The following IFT122 variants were observed in gnomAD, a reference collection of about 807,000 sequenced individuals.
The protein encoded by IFT122 is intraflagellar transport protein 122 homolog.
A neutral mutation model predicts 161.6 loss-of-function variants in IFT122; 118 were observed. That is an observed-to-expected ratio of 0.73 (90% confidence interval 0.63 to 0.85). IFT122 has a LOEUF of 0.85. IFT122 is among the 40% of genes least tolerant of loss of function. IFT122 has a pLI of 0.00. For synonymous variants in IFT122, 550 were observed against 602.4 expected (o/e 0.91, Z 1.27); for missense variants, 1,381 against 1,579.6 (o/e 0.87, Z 2.13).
chr3:129,462,063 C>T (rs189483085), intron 5 of IFT122, among the ~76,000 whole-genome samples: 49 of 152,294 alleles, frequency 3.2e-4, no homozygotes, highest in Non-Finnish European at 1.0e-4. Context: ...CTAAAAGGAG[C>T]ATGCTACTCA....
At position 129,467,945 on chromosome 3, in the gene IFT122, C is replaced by T. The variant is rs541701677; in HGVS notation, c.740+879C>T. On this transcript the variant is annotated intron_variant, in intron 8 of 29. Coordinates refer to ENST00000348417, the MANE Select transcript of IFT122 (RefSeq NM_052989.3). ...TTTGTTTCATAAAGAATCCTACTGC[C>T]CCAGGAGGTAAAAGGGGGTTGAAAA... is the stretch of plus-strand genomic sequence containing the variant. Among the ~76,000 whole-genome samples the T allele has an allele frequency of 1.3e-5, 2 of 152,226 alleles. 1 individual carries two copies. The highest frequency in any genetic ancestry group is 4.2e-4 in the South Asian group (2 of 4,818).
intron 9 of IFT122, among the ~76,000 whole-genome samples, chr3:129,474,824 A>G (rs1419338091): frequency 6.6e-6 from 1 of 152,182 alleles, no homozygotes; most frequent in Non-Finnish European, 1.5e-5. Flanking sequence ...CAACTCATAT[A>G]TCTGATAAAG....
intron 2 of IFT122, among the ~76,000 whole-genome samples, chr3:129,451,170 A>G (rs2074794749): frequency 6.6e-6 from 1 of 151,688 alleles, no homozygotes; most frequent in South Asian, 2.1e-4. Flanking sequence ...GCAGTCATAG[A>G]TCACTGCAGC....
At chr3:129,458,578 C>G in intron 3 of IFT122, 21 bp from the exon 4 acceptor site, 6 of 1,595,342 alleles carry the variant, frequency 3.8e-6, no homozygotes, top group Non-Finnish European at 5.2e-6. Flanking sequence ...GTAAGACTTT[C>G]CATTTTACAA....
At chr3:129,503,242 C>T (rs2081806932) in intron 20 of IFT122, among the ~76,000 whole-genome samples, 1 of 152,178 alleles carries the variant, frequency 6.6e-6, no homozygotes, top group Admixed American at 6.5e-5. Flanking sequence ...TGTGGAGATG[C>T]ACCTGCGTGA....
At chr3:129,452,123 A>G in intron 3 of IFT122, 125 bp downstream of exon 3, 1 of 746,206 alleles carries the variant, frequency 1.3e-6, no homozygotes, top group South Asian at 1.5e-5. Flanking sequence ...AAGACAGTGA[A>G]GTTGCTAAGA....
At chr3:129,486,268 A>G (rs1025976375) in intron 15 of IFT122, among the ~76,000 whole-genome samples, 10 of 152,212 alleles carry the variant, frequency 6.6e-5, no homozygotes, top group African/African-American at 2.2e-4. Flanking sequence ...GGTTCGGGGA[A>G]GGAGCACCAG....
intron 17 of IFT122, among the ~76,000 whole-genome samples, chr3:129,494,682 C>T (rs59504187): frequency 0.037 from 4,004 of 108,056 alleles, 158 homozygotes; most frequent in African/African-American, 0.14. Context: ...CCTAGCTGTG[C>T]TAAGTGTGTG....
intron 1 of IFT122, among the ~76,000 whole-genome samples, chr3:129,447,534 A>C (rs1424479263): frequency 6.6e-6 from 1 of 152,188 alleles, no homozygotes; most frequent in Non-Finnish European, 1.5e-5. Flanking sequence ...TCACCCTGCA[A>C]AACAGAGTCT....
chr3:129,515,606 C>T lies in IFT122; in HGVS notation c.3265+7C>T, dbSNP rs9836202. The T allele has an allele frequency of 2.8e-3, 4,072 of 1,442,200 alleles. 76 individuals carry two copies. The African/African-American group carries it at 0.044, about 15-fold the overall frequency. The allele number at this position is 1,442,200 out of a possible 1,614,324, so 89.3% of individuals were successfully genotyped here. On this transcript the variant is annotated splice_region_variant and intron_variant, in intron 26 of 29. Transcript: ENST00000348417. ...TTCTCCGCCTCTTCCTACGGTGAGT[C>T]CCTGCATCCTGAGCATGTGGGTGGG...
Position 129,520,259 on chromosome 3 carries a change from C to T in IFT122, c.3720C>T (p.Gly1240=). The T allele has an allele frequency of 6.2e-7, 1 of 1,608,130 alleles. No homozygotes were observed. The highest frequency in any genetic ancestry group is 8.5e-7 in the Non-Finnish European group (1 of 1,179,254). The change falls in exon 30 of 30, where the codon GGC becomes GGT. Residue 1240 remains glycine, a synonymous_variant. Coordinates refer to ENST00000348417, the MANE Select transcript of IFT122 (RefSeq NM_052989.3). ...PYCRRCKDDP[G]P The stretch of plus-strand genomic sequence containing the variant: ...GCCGCAGGTGCAAGGATGACCCTGG[C>T]CCATGACCAGCATCCTGGGGACGGC...
chr3:129,450,437 A>G (rs2074630672), intron 2 of IFT122, among the ~76,000 whole-genome samples: 1 of 152,080 alleles, frequency 6.6e-6, no homozygotes, highest in Non-Finnish European at 1.5e-5. Context: ...TTTTCAGAGA[A>G]CCCCTTATGT....
intron 11 of IFT122, 113 bp downstream of exon 11, chr3:129,476,914 C>T (rs1010267203): frequency 5.2e-6 from 7 of 1,340,218 alleles, no homozygotes; most frequent in African/African-American, 4.4e-5. Context: ...GTTTTGCAAA[C>T]CTGTTAGCCA....
chr3:129,515,978 C>CCA (rs368047180), intron 26 of IFT122, among the ~76,000 whole-genome samples: 7 of 151,386 alleles, frequency 4.6e-5, no homozygotes, highest in Non-Finnish European at 7.4e-5. Flanking sequence ...TGAGCAGAGG[C>CCA]CACACACACA....
intron 1 of IFT122, among the ~76,000 whole-genome samples, chr3:129,446,179 A>G (rs1418849580): frequency 6.6e-6 from 1 of 151,626 alleles, no homozygotes; most frequent in African/African-American, 2.4e-5. Context: ...GGTTGCCACA[A>G]TCCTTTATCT....
At chr3:129,489,606 G>A (rs777708111) in intron 16 of IFT122, among the ~76,000 whole-genome samples, 1 of 152,066 alleles carries the variant, frequency 6.6e-6, no homozygotes, top group Non-Finnish European at 1.5e-5. Context: ...TTGGGAGGCC[G>A]AGGTGTGCGG....
chr3:129,444,231 ATG>A (rs2073669114), intron 1 of IFT122, among the ~76,000 whole-genome samples: 1 of 152,190 alleles, frequency 6.6e-6, no homozygotes, highest in African/African-American at 2.4e-5. Flanking sequence ...GCTTCTCAAA[ATG>A]TGAAATGTGC....
intron 23 of IFT122, among the ~76,000 whole-genome samples, chr3:129,510,477 C>T (rs1389242440): frequency 6.6e-6 from 1 of 152,186 alleles, no homozygotes; most frequent in Non-Finnish European, 1.5e-5. Context: ...CTCAGGGTCC[C>T]TCATCTTTAT....
intron 1 of IFT122, among the ~76,000 whole-genome samples, chr3:129,447,078 C>T (rs2074102722): frequency 6.6e-6 from 1 of 152,216 alleles, no homozygotes; most frequent in South Asian, 2.1e-4. Context: ...ACATCTTGCA[C>T]ATAGCCAGAT....
Sources: allele counts gnomAD v4.1 joint callset (sites outside exome capture counted in the v4.1 genomes callset), GRCh38; gene constraint gnomAD v4.1.1; transcripts MANE v1.5; gene names NCBI Gene and HGNC (gene_info 2026-07-23, HGNC 2026-07-21).